The following PRKAR1B variants were observed in gnomAD, a reference collection of about 807,000 sequenced individuals.
The protein encoded by PRKAR1B is protein kinase cAMP-dependent type I regulatory subunit beta.
In PRKAR1B, 22 loss-of-function variants were observed where a neutral mutation model predicts 46.5. The ratio of observed to expected loss-of-function variants is 0.47; its 90% CI spans 0.34 to 0.68. The LOEUF is 0.68. Ranked by LOEUF, PRKAR1B falls within the 30% of genes least tolerant of loss-of-function variation. PRKAR1B has a pLI of 0.01. For synonymous variants in PRKAR1B, 259 were observed against 217.7 expected, an observed-to-expected ratio of 1.19 and a Z score of -1.67; for missense variants, 445 against 535.6, an observed-to-expected ratio of 0.83 and a Z score of 1.67.
intron 2 of PRKAR1B, among the ~76,000 whole-genome samples, chr7:698,687 T>C (rs1026237435): frequency 6.6e-6 from 1 of 152,004 alleles, no homozygotes; most frequent in Non-Finnish European, 1.5e-5. Flanking sequence ...AAACTGAGTA[T>C]GTCCAGGTGT....
intron 1 of PRKAR1B, chr7:713,055 C>G (rs1780743732): frequency 6.6e-6 from 1 of 152,244 alleles, no homozygotes. Flanking sequence ...TCTTTCCCAC[C>G]TTTCTTGGGG....
At chr7:723,822 CCT>C (rs1311150657) in intron 1 of PRKAR1B, among the ~76,000 whole-genome samples, 2 of 152,186 alleles carry the variant, frequency 1.3e-5, no homozygotes, top group African/African-American at 2.4e-5. Context: ...AGCCTCCCTC[CCT>C]GTTTGCTACC....
chr7:663,816 C>T (rs1785751917), intron 4 of PRKAR1B, among the ~76,000 whole-genome samples: 1 of 152,134 alleles, frequency 6.6e-6, no homozygotes, highest in Admixed American at 6.5e-5. Flanking sequence ...ACACACCTGA[C>T]CCCAAGCAGA....
intron 9 of PRKAR1B, among the ~76,000 whole-genome samples, chr7:557,750 T>C (rs1778535874): frequency 6.6e-6 from 1 of 152,140 alleles, no homozygotes; most frequent in Admixed American, 6.6e-5. Context: ...CCTGTCCAAC[T>C]CCACTTCCCA....
At chr7:607,187 A>G (rs1782137548) in intron 5 of PRKAR1B, among the ~76,000 whole-genome samples, 1 of 152,108 alleles carries the variant, frequency 6.6e-6, no homozygotes, top group African/African-American at 2.4e-5. Flanking sequence ...TTTTTAGTAG[A>G]GACAGGGTTT....
intron 2 of PRKAR1B, among the ~76,000 whole-genome samples, chr7:711,010 A>G (rs2128528872): frequency 6.6e-6 from 1 of 152,234 alleles, no homozygotes; most frequent in Non-Finnish European, 1.5e-5. Flanking sequence ...CCCACAAGCT[A>G]GCGAAACACC....
At chr7:672,550 A>G (rs1009102016) in intron 4 of PRKAR1B, among the ~76,000 whole-genome samples, 3 of 152,088 alleles carry the variant, frequency 2.0e-5, no homozygotes, top group Non-Finnish European at 4.4e-5. Context: ...AAAACGTTGG[A>G]TGGTCTTCAT....
intron 3 of PRKAR1B, among the ~76,000 whole-genome samples, chr7:678,668 G>A (rs1778479013): frequency 6.6e-6 from 1 of 152,262 alleles, no homozygotes; most frequent in African/African-American, 2.4e-5. Flanking sequence ...CTGTCCAGGT[G>A]CAACTGCGGA....
At chr7:652,228 GA>G (rs1784941766) in intron 4 of PRKAR1B, among the ~76,000 whole-genome samples, 1 of 143,968 alleles carries the variant, frequency 6.9e-6, no homozygotes, top group African/African-American at 2.7e-5. Flanking sequence ...ACCCCTCTCG[GA>G]ACACAGTTCA....
At chr7:569,182 G>C (rs1020737322) in intron 9 of PRKAR1B, among the ~76,000 whole-genome samples, 2 of 152,186 alleles carry the variant, frequency 1.3e-5, no homozygotes, top group African/African-American at 2.4e-5. Flanking sequence ...CAGTCCGCAA[G>C]CGGCATTTTA....
chr7:727,218 C>T lies in PRKAR1B; in HGVS notation c.-31G>A, dbSNP rs1583468276. 1.5e-6 allele frequency: 2 copies of T among 1,350,560 alleles called. No individual in the cohort carries two copies. Among genetic ancestry groups the T allele is most frequent in the Non-Finnish European group, 1.9e-6 (2 of 1,050,550 alleles). The allele number at this position is 1,350,560 out of a possible 1,614,324, so 83.7% of individuals were successfully genotyped here. A position where few individuals can be genotyped will look rare whatever the true frequency, so the allele number is the denominator to read the frequency against. ...CCGCGCTCGCGCCCCACCTGGACGA[C>T]GCTCTGCGCGCGCTGCGCTGCTCCC... On this transcript the variant is annotated 5_prime_UTR_variant, in exon 1 of 11. Transcript: ENST00000537384.
intron 8 of PRKAR1B, among the ~76,000 whole-genome samples, chr7:584,108 A>G (rs1195646577): frequency 6.6e-6 from 1 of 152,170 alleles, no homozygotes; most frequent in Non-Finnish European, 1.5e-5. Flanking sequence ...GGGAACTAGC[A>G]CAGGTCAGGG....
chr7:646,687 G>C (rs1255490209), intron 4 of PRKAR1B, among the ~76,000 whole-genome samples: 2 of 152,198 alleles, frequency 1.3e-5, no homozygotes, highest in Non-Finnish European at 2.9e-5. Context: ...CTCACAATGA[G>C]ATGCATGAAA....
intron 2 of PRKAR1B, among the ~76,000 whole-genome samples, chr7:702,798 G>A (rs1780130932): frequency 6.6e-6 from 1 of 152,028 alleles, no homozygotes; most frequent in Non-Finnish European, 1.5e-5. Context: ...ACTCCAGCCT[G>A]GGCAAACGGG....
intron 9 of PRKAR1B, among the ~76,000 whole-genome samples, chr7:557,529 G>C (rs1482282635): frequency 1.3e-5 from 2 of 152,212 alleles, no homozygotes; most frequent in African/African-American, 4.8e-5. Flanking sequence ...GCCTGAGTCC[G>C]ACAGCAGAAA....
At chr7:695,103 C>T (rs1298185631) in intron 2 of PRKAR1B, among the ~76,000 whole-genome samples, 1 of 151,856 alleles carries the variant, frequency 6.6e-6, no homozygotes, top group Non-Finnish European at 1.5e-5. Context: ...GTAGTCGGGA[C>T]AGAAGTCGGA....
At chr7:635,839 C>T (rs1230769238) in intron 4 of PRKAR1B, among the ~76,000 whole-genome samples, 1 of 152,040 alleles carries the variant, frequency 6.6e-6, no homozygotes, top group African/African-American at 2.4e-5. Flanking sequence ...TGGATGATTT[C>T]AGCAGGCCAC....
chr7:726,376 C>T (rs1185452420), intron 1 of PRKAR1B, among the ~76,000 whole-genome samples: 1 of 152,180 alleles, frequency 6.6e-6, no homozygotes, highest in Non-Finnish European at 1.5e-5. Context: ...CAGGCGGGAC[C>T]ACTCAGGTTC....
intron 4 of PRKAR1B, among the ~76,000 whole-genome samples, chr7:616,006 GAA>G (rs1491420230): frequency 3.1e-5 from 3 of 95,740 alleles, no homozygotes; most frequent in African/African-American, 1.4e-4. Context: ...GAAAAAGGAA[GAA>G]AGAGAGAGAG....
Sources: gnomAD v4.1 joint callset for allele counts (sites outside exome capture counted in the v4.1 genomes callset) on GRCh38, gnomAD v4.1.1 for gene constraint, MANE v1.5 for transcripts, NCBI Gene and HGNC (gene_info 2026-07-23, HGNC 2026-07-21) for gene names.